ARHGAP6: variants seen among roughly 807,000 people sequenced by gnomAD.
ARHGAP6 encodes rho GTPase-activating protein 6.
Under a neutral mutation model 55.7 loss-of-function variants are expected in ARHGAP6, and 16 were observed. The ratio of observed to expected loss-of-function variants is 0.29; its 90% confidence interval spans 0.19 to 0.44. The LOEUF (loss-of-function observed/expected upper bound fraction) is 0.44, where lower values mean the gene tolerates loss of function less well. Ranked by LOEUF, ARHGAP6 falls within the 20% of genes least tolerant of loss-of-function variation. ARHGAP6 has a pLI of 1.00. For synonymous variants in ARHGAP6, 382 were observed against 360.9 expected, an observed-to-expected ratio of 1.06 and a Z score of -0.66; for missense variants, 698 against 808.9, an observed-to-expected ratio of 0.86 and a Z score of 1.66.
At chrX:11,247,124 G>A (rs1296079111) in intron 2 of ARHGAP6, among the ~76,000 whole-genome samples, 1 of 111,747 alleles carries the variant, frequency 8.9e-6, no homozygotes, top group Admixed American at 9.5e-5. Context: ...AATGGCGAGG[G>A]ATCATTTTAT....
Position 11,174,622 on chromosome X carries a change from CTTTTCTTTCTTTCTTT to C in ARHGAP6, c.1629+3462_1629+3477del, listed in dbSNP as rs771703471. Among the ~76,000 whole-genome samples the C allele has an allele frequency of 3.7e-4, 19 of 50,766 alleles. No homozygotes were observed. The East Asian group carries it at 5.3e-3, about 14-fold the overall frequency. The allele number at this position is 50,766 out of a possible 115,157, so 44.1% of individuals were successfully genotyped here. The stretch of plus-strand genomic sequence containing the variant: ...TTTCTTTCTTTCTTTCTTTCTCTTT[CTTTTCTTTCTTTCTTT>C]CTTTCTTTCTTTCTTTCTTTCTTTC... On this transcript the variant is annotated intron_variant, in intron 8 of 12. Transcript: ENST00000337414.
chrX:11,361,548 A>T (rs1398197845), intron 1 of ARHGAP6, among the ~76,000 whole-genome samples: 1 of 110,097 alleles, frequency 9.1e-6, no homozygotes, highest in African/African-American at 3.3e-5. Flanking sequence ...AACCATAAAA[A>T]CCCTAGAAGA....
intron 1 of ARHGAP6, among the ~76,000 whole-genome samples, chrX:11,424,914 G>C (rs1310000791): frequency 8.9e-6 from 1 of 112,490 alleles, no homozygotes; most frequent in Non-Finnish European, 1.9e-5. Context: ...TTCTTGTCTA[G>C]TTAATTGCAT....
At chrX:11,411,068 T>C (rs1157014938) in intron 1 of ARHGAP6, among the ~76,000 whole-genome samples, 1 of 102,917 alleles carries the variant, frequency 9.7e-6, no homozygotes, top group Non-Finnish European at 2.0e-5. Flanking sequence ...CAGTGTCACA[T>C]GGTTAAGGCC....
chrX:11,179,562 AC>A, intron 6 of ARHGAP6, 110 bp from the exon 7 acceptor site: 1 of 946,276 alleles, frequency 1.1e-6, no homozygotes, highest in Non-Finnish European at 1.4e-6. Context: ...GACTGCACAG[AC>A]CCCAAGAAGG....
chrX:11,152,001 C>G lies in ARHGAP6; in HGVS notation c.1907+4528G>C, dbSNP rs973781224. Among the ~76,000 whole-genome samples the G allele has an allele frequency of 2.7e-5, 3 of 112,228 alleles. No individual in the cohort carries two copies. The East Asian group carries it at 8.4e-4, about 31-fold the overall frequency. ...TATCTCATGAAAACCAAAGTAGAAT[C>G]TAGTGATGGCCACGCCTTTGGTAAG... On this transcript the variant is annotated intron_variant, in intron 10 of 12. Transcript: ENST00000337414.
chrX:11,420,784 C>G (rs2049813629), intron 1 of ARHGAP6, among the ~76,000 whole-genome samples: 1 of 111,657 alleles, frequency 9.0e-6, no homozygotes, highest in South Asian at 3.8e-4. Flanking sequence ...AGATGCAGAT[C>G]CCACATCCAC....
rs779279646 is a variant in ARHGAP6, at chrX:11,599,768, A to C, written c.588+64473T>G. ...AAATTTGCTAAGGGGATAGATCCTA[A>C]GTGTTCTTACCATACACACACAAAC... is the stretch of plus-strand genomic sequence containing the variant. On this transcript the variant is annotated intron_variant, in intron 1 of 12. Coordinates refer to ENST00000337414, the MANE Select transcript of ARHGAP6 (RefSeq NM_013427.3). Among the ~76,000 whole-genome samples the C allele has an allele frequency of 6.3e-5, 7 of 111,766 alleles. No homozygotes were observed. The South Asian group carries it at 1.1e-3, about 18-fold the overall frequency.
chrX:11,149,118 T>C (rs1195072106), intron 10 of ARHGAP6, among the ~76,000 whole-genome samples: 1 of 112,200 alleles, frequency 8.9e-6, no homozygotes, highest in Non-Finnish European at 1.9e-5. Flanking sequence ...GTGAAATTTT[T>C]CCCCTCATTT....
chrX:11,500,116 G>C (rs2050661216), intron 1 of ARHGAP6, among the ~76,000 whole-genome samples: 2 of 111,696 alleles, frequency 1.8e-5, no homozygotes, highest in Admixed American at 1.9e-4. Flanking sequence ...TTTATAAAAT[G>C]AAAGTACTTG....
intron 2 of ARHGAP6, among the ~76,000 whole-genome samples, chrX:11,214,235 T>G (rs971605282): frequency 5.7e-5 from 6 of 105,659 alleles, no homozygotes; most frequent in African/African-American, 2.1e-4. Context: ...TCTATGAATA[T>G]AAAAGGAAAA....
At chrX:11,507,879 C>T (rs978267733) in intron 1 of ARHGAP6, among the ~76,000 whole-genome samples, 1 of 112,033 alleles carries the variant, frequency 8.9e-6, no homozygotes, top group Admixed American at 9.5e-5. Context: ...TCTAGTGGTA[C>T]TTATAGTCCC....
At chrX:11,512,994 G>A (rs1897191090) in intron 1 of ARHGAP6, among the ~76,000 whole-genome samples, 2 of 111,983 alleles carry the variant, frequency 1.8e-5, no homozygotes, top group Middle Eastern at 4.6e-3. Flanking sequence ...TTAATGAAAG[G>A]GAAAAGTATC....
intron 1 of ARHGAP6, among the ~76,000 whole-genome samples, chrX:11,640,687 G>A (rs889141735): frequency 9.0e-6 from 1 of 110,950 alleles, no homozygotes; most frequent in Admixed American, 9.6e-5. Context: ...CTTCTCTCCT[G>A]GAGGCATTGT....
chrX:11,290,836 G>A lies in ARHGAP6; in HGVS notation c.589-36129C>T, dbSNP rs935030354. Among the ~76,000 whole-genome samples, 9 of 111,992 alleles carry A rather than the reference G, an allele frequency of 8.0e-5. No individual in the cohort carries two copies. The East Asian group carries it at 2.5e-3, about 31-fold the overall frequency. On this transcript the variant is annotated intron_variant, in intron 1 of 12. Transcript: ENST00000337414. ...AGTCAAAAATAAGTGTCACAAAACCGAAATTCATTTGCTTTTCTCACAGGC... is the reference window on the plus strand; with the variant it reads ...AGTCAAAAATAAGTGTCACAAAACCAAAATTCATTTGCTTTTCTCACAGGC...
intron 1 of ARHGAP6, among the ~76,000 whole-genome samples, chrX:11,399,490 T>C (rs761863110): frequency 9.0e-4 from 99 of 110,087 alleles, no homozygotes; most frequent in African/African-American, 2.9e-3. Flanking sequence ...TGAGGACAAA[T>C]AGTGACATCA....
intron 1 of ARHGAP6, among the ~76,000 whole-genome samples, chrX:11,344,678 C>CAAAAAAAAAAA (rs34123570): frequency 2.8e-4 from 8 of 28,266 alleles, no homozygotes; most frequent in Non-Finnish European, 4.6e-4. Flanking sequence ...AACTCCATCA[C>CAAAAAAAAAAA]AAAAAAAAAA....
intron 1 of ARHGAP6, among the ~76,000 whole-genome samples, chrX:11,537,414 G>A (rs928021490): frequency 9.8e-5 from 11 of 111,813 alleles, no homozygotes; most frequent in Admixed American, 2.9e-4. Context: ...AAATGTCAAC[G>A]GCACAGAGAT....
At chrX:11,273,258 CA>C (rs1173342574) in intron 1 of ARHGAP6, among the ~76,000 whole-genome samples, 1 of 110,167 alleles carries the variant, frequency 9.1e-6, no homozygotes, top group African/African-American at 3.3e-5. Context: ...AAAACAGTTA[CA>C]AAAAAATCAA....
Sources: allele counts gnomAD v4.1 joint callset (sites outside exome capture counted in the v4.1 genomes callset), GRCh38; gene constraint gnomAD v4.1.1; transcripts MANE v1.5; gene names NCBI Gene and HGNC (gene_info 2026-07-23, HGNC 2026-07-21).